Variants in KIF24 observed in about 807,000 individuals in gnomAD.
KIF24 encodes kinesin-like protein KIF24.
A neutral mutation model predicts 118.9 loss-of-function variants in KIF24; 81 were observed. That is an observed-to-expected ratio of 0.68 (90% CI 0.57 to 0.82). The LOEUF is 0.82. Among genes scored for constraint, KIF24 ranks in the 40% least tolerant of loss-of-function variants. KIF24 has a pLI of 0.00. For synonymous variants in KIF24, 599 were observed against 610.0 expected, an observed-to-expected ratio of 0.98 and a Z score of 0.27; for missense variants, 1,560 against 1,661.6, an observed-to-expected ratio of 0.94 and a Z score of 1.06.
chr9:34,264,957 T>A (rs1835231014), intron 8 of KIF24, among the ~76,000 whole-genome samples: 1 of 152,058 alleles, frequency 6.6e-6, no homozygotes, highest in South Asian at 2.1e-4. Flanking sequence ...GAGGATGCCG[T>A]TAAGTGACAA....
intron 1 of KIF24, among the ~76,000 whole-genome samples, chr9:34,317,478 C>T (rs2131825672): frequency 6.6e-6 from 1 of 152,234 alleles, no homozygotes; most frequent in Non-Finnish European, 1.5e-5. Context: ...TCCAATTTAG[C>T]TTTCTGCCAT....
chr9:34,304,491 A>G (rs1168720439), intron 3 of KIF24, among the ~76,000 whole-genome samples: 1 of 152,222 alleles, frequency 6.6e-6, no homozygotes, highest in Non-Finnish European at 1.5e-5. Context: ...TGACAGAAGC[A>G]TCATTAAGGA....
chr9:34,277,807 G>C (rs963450836), intron 6 of KIF24, among the ~76,000 whole-genome samples: 1 of 152,198 alleles, frequency 6.6e-6, no homozygotes, highest in Admixed American at 6.5e-5. Context: ...GAGGCAGTCT[G>C]TGAATATCAA....
rs199815130 is a variant in KIF24 at position 34,271,931 on chromosome 9, C to T, written c.1216-1G>A. 6 of 1,585,544 alleles carry T rather than the reference C, an allele frequency of 3.8e-6. No homozygotes were observed. Among genetic ancestry groups the T allele is most frequent in the Non-Finnish European group, 5.1e-6 (6 of 1,165,206 alleles). On this transcript the variant is annotated splice_acceptor_variant, in intron 6 of 12. Coordinates refer to ENST00000402558, the MANE Select transcript of KIF24 (RefSeq NM_194313.4). LOFTEE classifies it high-confidence loss of function. The stretch of plus-strand genomic sequence containing the variant: ...GCTCCTTGCTGCCCTTTAAGATCAC[C>T]TGAAAATAAAATCCACAGGATGACT...
intron 6 of KIF24, among the ~76,000 whole-genome samples, chr9:34,284,739 T>C (rs905803017): frequency 3.3e-5 from 5 of 152,138 alleles, no homozygotes; most frequent in Non-Finnish European, 7.4e-5. Flanking sequence ...GGGGGTGTTA[T>C]TGGAAAGTCA....
chr9:34,307,696 T>C (rs1836977670), intron 2 of KIF24, among the ~76,000 whole-genome samples: 2 of 151,920 alleles, frequency 1.3e-5, no homozygotes, highest in Non-Finnish European at 2.9e-5. Context: ...GCAGATCACT[T>C]GAGGTCAGGA....
At chr9:34,269,867 C>G (rs911248123) in intron 7 of KIF24, among the ~76,000 whole-genome samples, 6 of 151,782 alleles carry the variant, frequency 4.0e-5, no homozygotes, top group African/African-American at 7.3e-5. Context: ...AGGTGGAGCA[C>G]TGCTTGAGGC....
intron 1 of KIF24, among the ~76,000 whole-genome samples, chr9:34,321,997 A>G (rs1295163022): frequency 6.6e-6 from 1 of 152,106 alleles, no homozygotes; most frequent in Non-Finnish European, 1.5e-5. Context: ...TCTAGCCTAT[A>G]ATATTTGGTC....
chr9:34,301,746 A>C (rs1358170613), intron 3 of KIF24, among the ~76,000 whole-genome samples: 2 of 151,986 alleles, frequency 1.3e-5, no homozygotes, highest in Non-Finnish European at 2.9e-5. Context: ...CTGAGGTGGG[A>C]GGATCACTTG....
rs140908879 is a variant in KIF24 at position 34,256,404 on chromosome 9, G to A, written c.3203C>T (p.Ser1068Leu). ...AGCCCCATCCTGGACCAGCTGCTCC[G>A]AGGGAGGAGACCCTTCGTTGTCTGG... is the stretch of plus-strand genomic sequence containing the variant. ...ENPDNEGSPP[S>L]EQLVQDGATH... The change falls in exon 11 of 13, where the codon TCG (serine) becomes TTG (leucine). Residue 1068 changes from serine to leucine, a missense_variant. Physicochemically the swap from Ser to Leu is moderately radical, Grantham distance 145. Transcript: ENST00000402558. The A allele has an allele frequency of 2.4e-5, 39 of 1,613,916 alleles. No individual in the cohort carries two copies. In the African/African-American group the frequency reaches 3.7e-4, roughly 15 times the overall value.
At chr9:34,255,287 C>A in intron 11 of KIF24, 122 bp from the exon 12 acceptor site, 1 of 642,578 alleles carries the variant, frequency 1.6e-6, no homozygotes, top group South Asian at 1.9e-5. Flanking sequence ...TCAAGGTTTT[C>A]ACCAAGGCCA....
In KIF24 at chr9:34,311,316, C is replaced by T; in HGVS notation, c.31G>A (p.Glu11Lys). The change falls in exon 2 of 13, where the codon GAA becomes AAA. Residue 11 changes from glutamate to lysine, a missense_variant. Transcript: ENST00000402558. ...GAATAATACTGTGCAAGTTCAGCTTCACAAAGACATTCATATAACCAGGAT... is the reference window on the plus strand; with the variant it reads ...GAATAATACTGTGCAAGTTCAGCTTTACAAAGACATTCATATAACCAGGAT... MASWLYECLCEAELAQYYSHF... is the reference protein window; with the variant it reads MASWLYECLCKAELAQYYSHF... 6.3e-7 allele frequency: 1 copy of T among 1,585,636 alleles called. No individual in the cohort carries two copies. Among genetic ancestry groups the T allele is most frequent in the Non-Finnish European group, 8.6e-7 (1 of 1,165,280 alleles).
intron 4 of KIF24, among the ~76,000 whole-genome samples, chr9:34,295,126 GGTAGATAGGTA>G (rs1309084816): frequency 2.1e-5 from 1 of 48,278 alleles, no homozygotes; most frequent in Non-Finnish European, 1.0e-4. Flanking sequence ...TAGATAGGTA[GGTAGATAGGTA>G]GGTAGGTAGA....
rs746239950 is a variant in KIF24, at chr9:34,286,659, T to G, written c.1173A>C (p.Gly391=). 2.5e-5 allele frequency: 40 copies of G among 1,613,480 alleles called. No individual in the cohort carries two copies. Among genetic ancestry groups the G allele is most frequent in the East Asian group, 6.7e-5 (3 of 44,900 alleles). Residue 391 remains glycine (G), a synonymous_variant, in exon 6 of 13, where the codon GGA becomes GGC. Coordinates refer to ENST00000402558, the MANE Select transcript of KIF24 (RefSeq NM_194313.4). ...CACTGTCCACCTGAAGCTCTTGCAG[T>G]CCCACTATCTGCACCATGTGCTTGC... ...EDSKHMVQIV[G]LQELQVDSVE...
rs566787434 is a variant in KIF24 at position 34,309,921 on chromosome 9, G to T, written c.623+803C>A. Reference sequence around the variant, plus strand: ...AAAATATGGCTCAAGAATGAATTTTGTTTGCCCATAACTCACATATATAAT... The same window carrying T: ...AAAATATGGCTCAAGAATGAATTTTTTTTGCCCATAACTCACATATATAAT... On this transcript the variant is annotated intron_variant, in intron 2 of 12. Coordinates refer to ENST00000402558, the MANE Select transcript of KIF24 (RefSeq NM_194313.4). Among the ~76,000 whole-genome samples, 154 of 149,976 alleles carry T rather than the reference G, an allele frequency of 1.0e-3. 1 individual carries two copies. The highest frequency in any genetic ancestry group is 3.6e-3 in the African/African-American group (149 of 40,944).
intron 9 of KIF24, among the ~76,000 whole-genome samples, chr9:34,260,636 A>G (rs911764910): frequency 2.6e-5 from 4 of 152,200 alleles, no homozygotes; most frequent in African/African-American, 9.7e-5. Flanking sequence ...TTTTAATTAA[A>G]AAGAAACACA....
chr9:34,306,353 C>A lies in KIF24; in HGVS notation c.712G>T (p.Val238Leu), dbSNP rs748662562. The change falls in exon 3 of 13, where the codon GTA becomes TTA. Residue 238 changes from valine to leucine, a missense_variant. Val to Leu is a conservative substitution (Grantham distance 32, BLOSUM62 1). Transcript: ENST00000402558. ...ATAATATTAATTTCTCCACGACGTA[C>A]CTCCCTCATGCCCAGGGGGCGTTTT... ...VRKRPLGMRE[V>L]RRGEINIITV... 1 of 1,604,844 alleles carries A rather than the reference C, an allele frequency of 6.2e-7. No homozygotes were observed. The highest frequency in any genetic ancestry group is 8.5e-7 in the Non-Finnish European group (1 of 1,171,892).
chr9:34,318,666 C>A lies in KIF24; in HGVS notation c.-25-7295G>T. On this transcript the variant is annotated intron_variant, in intron 1 of 12. Coordinates refer to ENST00000402558, the MANE Select transcript of KIF24 (RefSeq NM_194313.4). This position sits in a 1 kb window ranked among gnomAD's most constrained non-coding sequence, Gnocchi z 4.9. ...CTCGTGTCGCTGGGCGGCAAGGCGA[C>A]CACGGCGTCGGAGGCCAAGGCAGTG... The A allele has an allele frequency of 6.5e-7, 1 of 1,540,888 alleles. No individual in the cohort carries two copies. Among genetic ancestry groups the A allele is most frequent in the Non-Finnish European group, 8.8e-7 (1 of 1,135,934 alleles).
intron 7 of KIF24, among the ~76,000 whole-genome samples, chr9:34,270,837 C>A (rs1835477047): frequency 6.7e-6 from 1 of 149,556 alleles, no homozygotes. Context: ...GAGTTCGAGA[C>A]CAGCCTGGGC....
Sources: gnomAD v4.1 joint callset for allele counts (sites outside exome capture counted in the v4.1 genomes callset) on GRCh38, gnomAD v4.1.1 for gene constraint, Gnocchi (gnomAD v3.1) non-coding constraint, MANE v1.5 for transcripts, NCBI Gene and HGNC (gene_info 2026-07-23, HGNC 2026-07-21) for gene names.